Variants in STARD10 observed in about 807,000 individuals in gnomAD.
The protein encoded by STARD10 is StAR related lipid transfer domain containing 10.
In STARD10, 24 loss-of-function variants were observed where a neutral mutation model predicts 36.0. That is an observed-to-expected ratio of 0.67 (90% CI 0.48 to 0.94). The LOEUF (loss-of-function observed/expected upper bound fraction) is 0.94. Among genes scored for constraint, STARD10 ranks in the 40% least tolerant of loss-of-function variants. STARD10 has a pLI of 0.00. For missense variants in STARD10, 335 were observed against 396.6 expected (o/e 0.84, Z 1.32); for synonymous variants, 156 against 161.9 (o/e 0.96, Z 0.28).
At chr11:72,760,593 A>G (rs1858702395) in intron 2 of STARD10, among the ~76,000 whole-genome samples, 1 of 152,170 alleles carries the variant, frequency 6.6e-6, no homozygotes, top group Admixed American at 6.5e-5. Context: ...ACGGCCAAGG[A>G]CACCTTGTTT....
chr11:72,757,733 A>T, intron 5 of STARD10, 34 bp downstream of exon 5: 1 of 1,595,880 alleles, frequency 6.3e-7, no homozygotes, highest in Non-Finnish European at 8.6e-7. Context: ...ATAGGGAAGG[A>T]TCCCATGATA....
chr11:72,762,685 A>G (rs1816483368), intron 2 of STARD10, among the ~76,000 whole-genome samples: 1 of 152,186 alleles, frequency 6.6e-6, no homozygotes, highest in African/African-American at 2.4e-5. Flanking sequence ...CATTGGGGGC[A>G]TAAGAAGGAA....
chr11:72,767,579 G>C (rs1858809140), intron 2 of STARD10, among the ~76,000 whole-genome samples: 1 of 152,200 alleles, frequency 6.6e-6, no homozygotes, highest in South Asian at 2.1e-4. Flanking sequence ...GGCTGCCTTA[G>C]TTGATGGTTA....
chr11:72,757,266 A>C (rs951423217), intron 5 of STARD10, among the ~76,000 whole-genome samples: 9 of 152,042 alleles, frequency 5.9e-5, no homozygotes, highest in Non-Finnish European at 1.0e-4. Flanking sequence ...GCAAGGGGCA[A>C]GTTAGGAGGA....
chr11:72,766,543 G>C (rs897715380), intron 2 of STARD10, among the ~76,000 whole-genome samples: 1 of 152,334 alleles, frequency 6.6e-6, no homozygotes, highest in African/African-American at 2.4e-5. Context: ...GTGGTGCAAA[G>C]GCCTGGAGGC....
chr11:72,783,253 G>T (rs1223908773), intron 1 of STARD10, among the ~76,000 whole-genome samples: 1 of 152,094 alleles, frequency 6.6e-6, no homozygotes, highest in Non-Finnish European at 1.5e-5. Context: ...TGACCCTAAA[G>T]GGCATCCTGC....
At chr11:72,760,128 C>T (rs1858697107) in intron 2 of STARD10, among the ~76,000 whole-genome samples, 1 of 152,174 alleles carries the variant, frequency 6.6e-6, no homozygotes, top group Admixed American at 6.5e-5. Context: ...GTCTCAATCT[C>T]TTGACCTTGT....
chr11:72,760,686 C>T (rs1342181374), intron 2 of STARD10, among the ~76,000 whole-genome samples: 8 of 152,184 alleles, frequency 5.3e-5, no homozygotes, highest in Admixed American at 5.2e-4. Context: ...GTAACTCGCC[C>T]AATGTCACTC....
chr11:72,762,219 C>T (rs1291233368), intron 2 of STARD10, among the ~76,000 whole-genome samples: 1 of 151,910 alleles, frequency 6.6e-6, no homozygotes, highest in Non-Finnish European at 1.5e-5. Context: ...AGCCACTGTG[C>T]CCGGCCACTT....
chr11:72,757,634 G>A, intron 5 of STARD10, 133 bp downstream of exon 5: 1 of 759,030 alleles, frequency 1.3e-6, no homozygotes, highest in Non-Finnish European at 2.2e-6. Context: ...GTTCAAGGAA[G>A]GCTTTGGATG....
At chr11:72,782,533 C>T (rs1221916455) in intron 1 of STARD10, 2 of 152,560 alleles carry the variant, frequency 1.3e-5, no homozygotes, top group African/African-American at 2.4e-5. Context: ...ACCAGCACCC[C>T]TTCTCAGCAT....
chr11:72,777,980 C>G (rs1858948211), intron 2 of STARD10, among the ~76,000 whole-genome samples: 1 of 152,214 alleles, frequency 6.6e-6, no homozygotes. Context: ...CAGCAAACAC[C>G]TGCAGTTGAG....
rs185327043 is a variant in STARD10 at position 72,780,035 on chromosome 11, A to G, written c.207+940T>C. ...GATAGCAGAAGGGAGAAGGCAAGGA[A>G]GAGGAAGGCGAAGGGCACAGCCTAT... On this transcript the variant is annotated intron_variant, in intron 2 of 6. Coordinates refer to ENST00000334805, the MANE Select transcript of STARD10 (RefSeq NM_006645.3). The G allele has an allele frequency of 7.2e-4, 220 of 307,350 alleles. 1 individual carries two copies. The highest frequency in any genetic ancestry group is 4.6e-3 in the African/African-American group (212 of 46,092). The allele number at this position is 307,350 out of a possible 1,614,324, so 19.0% of individuals were successfully genotyped here.
At chr11:72,780,314 G>A in intron 2 of STARD10, 1 of 394,076 alleles carries the variant, frequency 2.5e-6, no homozygotes, top group Non-Finnish European at 5.2e-6. Context: ...GTCTGCAACT[G>A]CTCCCTATGT....
rs557182463 is a variant in STARD10, at chr11:72,763,839, G to A, written c.208-4458C>T. ...AGGCACTGCCCCAAATGTTCAACAC[G>A]CACTCATTCTTCACCCTAAACCTAG... On this transcript the variant is annotated intron_variant, in intron 2 of 6. Transcript: ENST00000334805. Among the ~76,000 whole-genome samples, 8 of 152,288 alleles carry A rather than the reference G, an allele frequency of 5.3e-5. No homozygotes were observed. The South Asian group carries it at 1.5e-3, about 28-fold the overall frequency.
intron 1 of STARD10, among the ~76,000 whole-genome samples, chr11:72,786,373 A>T (rs1171064375): frequency 1.3e-5 from 2 of 151,972 alleles, no homozygotes; most frequent in Non-Finnish European, 2.9e-5. Context: ...AAAAAGGAAA[A>T]AAAAGGTTCA....
chr11:72,759,482 A>T lies in STARD10; in HGVS notation c.208-101T>A, dbSNP rs571655362. On this transcript the variant is annotated intron_variant, in intron 2 of 6. Coordinates refer to ENST00000334805, the MANE Select transcript of STARD10 (RefSeq NM_006645.3). ...GCAGAGGGGGAGGAAGAGAAAGAGGACAGCAAAGAACAGGGGCCTCTGAAA... is the reference window on the plus strand; with the variant it reads ...GCAGAGGGGGAGGAAGAGAAAGAGGTCAGCAAAGAACAGGGGCCTCTGAAA... The T allele has an allele frequency of 5.7e-5, 78 of 1,377,122 alleles. No homozygotes were observed. In the African/African-American group the frequency reaches 9.9e-4, roughly 17 times the overall value. 85.3% of individuals were successfully genotyped at this position (1,377,122 alleles called of 1,614,324 possible).
intron 2 of STARD10, among the ~76,000 whole-genome samples, chr11:72,769,789 C>G (rs1199742241): frequency 6.6e-6 from 1 of 152,112 alleles, no homozygotes; most frequent in Non-Finnish European, 1.5e-5. Flanking sequence ...ACTGGAGAAC[C>G]ACCTGAACAC....
intron 2 of STARD10, among the ~76,000 whole-genome samples, chr11:72,771,015 T>C (rs1210440440): frequency 1.3e-5 from 2 of 152,256 alleles, no homozygotes; most frequent in Non-Finnish European, 2.9e-5. Flanking sequence ...TGCCAGGCTC[T>C]GTGCTAAGAG....
Sources: allele counts gnomAD v4.1 joint callset (sites outside exome capture counted in the v4.1 genomes callset), GRCh38; gene constraint gnomAD v4.1.1; transcripts MANE v1.5; gene names NCBI Gene and HGNC (gene_info 2026-07-23, HGNC 2026-07-21).